TSPAN9: variants seen among roughly 807,000 people sequenced by gnomAD.
TSPAN9 encodes tetraspanin-9.
A neutral mutation model predicts 31.0 loss-of-function variants in TSPAN9; 16 were observed. The observed-to-expected ratio is 0.52, with a 90% confidence interval of 0.35 to 0.78. TSPAN9 has a LOEUF of 0.78. Ranked by LOEUF, TSPAN9 falls within the 30% of genes least tolerant of loss-of-function variation. The pLI is 0.01. For synonymous variants in TSPAN9, 145 were observed against 121.6 expected, an observed-to-expected ratio of 1.19 and a Z score of -1.27; for missense variants, 272 against 312.5, an observed-to-expected ratio of 0.87 and a Z score of 0.98.
At chr12:3,210,770 G>T (rs1393618886) in intron 3 of TSPAN9, among the ~76,000 whole-genome samples, 1 of 149,548 alleles carries the variant, frequency 6.7e-6, no homozygotes, top group Non-Finnish European at 1.5e-5. Flanking sequence ...TTGAGGCAGG[G>T]TCTCACTCCT....
At chr12:3,278,380 T>G in intron 3 of TSPAN9, 41 bp from the exon 4 acceptor site, 3 of 1,607,238 alleles carry the variant, frequency 1.9e-6, no homozygotes, top group Non-Finnish European at 2.6e-6. Flanking sequence ...TGGACGAATG[T>G]GAGAGCAGCG....
At chr12:3,240,150 T>C (rs902796800) in intron 3 of TSPAN9, among the ~76,000 whole-genome samples, 1 of 152,122 alleles carries the variant, frequency 6.6e-6, no homozygotes, top group Non-Finnish European at 1.5e-5. Flanking sequence ...CTTTATTTCC[T>C]CTACTTTCAC....
rs72307230 is a variant in TSPAN9 at position 3,118,256 on chromosome 12, G to GTTTTTTTTTTTTTTTTTTTTTTTTTT, written c.-18+34561_-18+34562insTTTTTTTTTTTTTTTTTTTTTTTTTT. Among the ~76,000 whole-genome samples, 29 of 31,564 alleles carry GTTTTTTTTTTTTTTTTTTTTTTTTTT rather than the reference G, an allele frequency of 9.2e-4. 11 individuals are homozygous for GTTTTTTTTTTTTTTTTTTTTTTTTTT. The highest frequency in any genetic ancestry group is 6.2e-3 in the South Asian group (2 of 324). 20.7% of individuals were successfully genotyped at this position (31,564 alleles called of 152,430 possible). ...ATTCCGCACCGCCCCTGCACCCGCC[G>GTTTTTTTTTTTTTTTTTTTTTTTTTT]TTTTTTTTTTTTTTTTTTTTTTTTG... On this transcript the variant is annotated intron_variant, in intron 2 of 8. Coordinates refer to ENST00000011898, the MANE Select transcript of TSPAN9 (RefSeq NM_006675.5).
intron 2 of TSPAN9, among the ~76,000 whole-genome samples, chr12:3,109,142 T>C (rs547930843): frequency 2.0e-4 from 30 of 152,074 alleles, no homozygotes; most frequent in African/African-American, 7.0e-4. Context: ...TTCACCGTGT[T>C]AGCCAGGATG....
rs113457037 is a variant in TSPAN9 at position 3,187,758 on chromosome 12, C to G, written c.-17-13419C>G. 2.2e-3 allele frequency among the ~76,000 whole-genome samples: 339 copies of G among 152,168 alleles called. 2 individuals are homozygous for G. Among genetic ancestry groups the G allele is most frequent in the African/African-American group, 7.7e-3 (320 of 41,506 alleles). On this transcript the variant is annotated intron_variant, in intron 2 of 8. Transcript: ENST00000011898. The surrounding 1 kb of genome is among the most constrained non-coding windows in gnomAD (Gnocchi z 5.2). ...GGCCTCTCTCTCCTCTGTCCTCATTCTGTTTGGATGCCATGCAAGCCCAAC... is the reference window on the plus strand; with the variant it reads ...GGCCTCTCTCTCCTCTGTCCTCATTGTGTTTGGATGCCATGCAAGCCCAAC...
intron 3 of TSPAN9, among the ~76,000 whole-genome samples, chr12:3,256,413 A>C (rs1862345621): frequency 6.6e-6 from 1 of 152,220 alleles, no homozygotes; most frequent in Admixed American, 6.5e-5. Context: ...GGAGGCCCTG[A>C]GGCCAAGGCC....
At chr12:3,231,565 C>A (rs1428868919) in intron 3 of TSPAN9, among the ~76,000 whole-genome samples, 1 of 152,224 alleles carries the variant, frequency 6.6e-6, no homozygotes, top group African/African-American at 2.4e-5. Flanking sequence ...GCCAGCCCAC[C>A]CTAAAGAGGT....
In TSPAN9 at chr12:3,217,524, G is replaced by A. The variant is rs188828302; in HGVS notation, c.63+16268G>A. 4.2e-4 allele frequency among the ~76,000 whole-genome samples: 64 copies of A among 152,284 alleles called. 2 individuals are homozygous for A. Among genetic ancestry groups the A allele is most frequent in the Non-Finnish European group, 7.8e-4 (53 of 68,018 alleles). ...AGAGGCCCCGTGTCATTGAGGCAGC[G>A]GTGAGGGCCCTGTTTGGGCTTGTTC... On this transcript the variant is annotated intron_variant, in intron 3 of 8. Coordinates refer to ENST00000011898, the MANE Select transcript of TSPAN9 (RefSeq NM_006675.5).
At chr12:3,135,086 CTATT>C (rs1408485355) in intron 2 of TSPAN9, among the ~76,000 whole-genome samples, 1 of 152,054 alleles carries the variant, frequency 6.6e-6, no homozygotes, top group African/African-American at 2.4e-5. Flanking sequence ...TGGGGCAACA[CTATT>C]AATTGATTGA....
chr12:3,245,625 C>T (rs112744584), intron 3 of TSPAN9, among the ~76,000 whole-genome samples: 174 of 152,272 alleles, frequency 1.1e-3, no homozygotes, highest in African/African-American at 3.6e-3. Context: ...TGCAGTATAT[C>T]GGAAGAATCA....
At chr12:3,162,866 G>A (rs376097582) in intron 2 of TSPAN9, among the ~76,000 whole-genome samples, 3 of 152,306 alleles carry the variant, frequency 2.0e-5, no homozygotes, top group African/African-American at 7.2e-5. Context: ...CGGGAGAGCT[G>A]AGGCAGCCCT....
chr12:3,174,786 G>T (rs1043170993), intron 2 of TSPAN9, among the ~76,000 whole-genome samples: 2 of 148,910 alleles, frequency 1.3e-5, no homozygotes, highest in Non-Finnish European at 3.0e-5. Flanking sequence ...GTTTCACCGT[G>T]TTAGCCAGGA....
At chr12:3,181,541 C>G (rs1203532074) in intron 2 of TSPAN9, among the ~76,000 whole-genome samples, 1 of 152,140 alleles carries the variant, frequency 6.6e-6, no homozygotes, top group East Asian at 1.9e-4. Flanking sequence ...GACAGCAAGG[C>G]TGCCTGGTGA....
At chr12:3,132,385 C>T (rs564541020) in intron 2 of TSPAN9, among the ~76,000 whole-genome samples, 24 of 152,246 alleles carry the variant, frequency 1.6e-4, no homozygotes, top group Middle Eastern at 3.4e-3. Flanking sequence ...ACATCCCTGC[C>T]GGCAACGCAT....
At chr12:3,228,665 T>G (rs12816145) in intron 3 of TSPAN9, among the ~76,000 whole-genome samples, 31,009 of 152,246 alleles carry the variant, frequency 0.2, 3,715 homozygotes, top group East Asian at 0.46. Context: ...AGTCTCAGCG[T>G]GAGTTGATGT....
rs1244853570 is a variant in TSPAN9, at chr12:3,283,097, G to A, written c.701G>A (p.Gly234Asp). ...CTCTTCCAGCACATCCACCGGACTG[G>A]TAAGAAGTACGACGCATGAGCGGGC... ...MTLFQHIHRT[G>D]KKYDA Residue 234 changes from glycine (G) to aspartate (D), a missense_variant, in exon 9 of 9, where the codon GGT becomes GAT. By Grantham distance (94) the Gly-to-Asp change is moderately conservative (BLOSUM62 -1). Coordinates refer to ENST00000011898, the MANE Select transcript of TSPAN9 (RefSeq NM_006675.5). 6.2e-7 allele frequency: 1 copy of A among 1,609,498 alleles called. No homozygotes were observed. Among genetic ancestry groups the A allele is most frequent in the Non-Finnish European group, 8.5e-7 (1 of 1,179,994 alleles).
chr12:3,198,191 G>C (rs1203473711), intron 2 of TSPAN9, among the ~76,000 whole-genome samples: 19 of 45,374 alleles, frequency 4.2e-4, no homozygotes, highest in Admixed American at 9.7e-4. Context: ...ACCAGCACAG[G>C]CCACCACCAG....
chr12:3,234,219 T>C (rs910958091), intron 3 of TSPAN9, among the ~76,000 whole-genome samples: 2 of 152,224 alleles, frequency 1.3e-5, no homozygotes, highest in Non-Finnish European at 2.9e-5. Flanking sequence ...TGGGCAGTTT[T>C]CTTCTACACC....
intron 2 of TSPAN9, among the ~76,000 whole-genome samples, chr12:3,188,460 G>A (rs982742889): frequency 2.0e-5 from 3 of 152,110 alleles, no homozygotes; most frequent in African/African-American, 4.8e-5. Flanking sequence ...TCAGGTACCC[G>A]GGCCTGGGTG....
Sources: allele counts gnomAD v4.1 joint callset (sites outside exome capture counted in the v4.1 genomes callset), GRCh38; gene constraint gnomAD v4.1.1; non-coding constraint Gnocchi (gnomAD v3.1); transcripts MANE v1.5; gene names NCBI Gene and HGNC (gene_info 2026-07-23, HGNC 2026-07-21).